Variants in LRRC75A observed in about 807,000 individuals in gnomAD.
LRRC75A encodes leucine-rich repeat-containing protein 75A.
LRRC75A carries 12 observed loss-of-function variants against 26.0 expected under a neutral mutation model. The ratio of observed to expected loss-of-function variants is 0.46; its 90% CI spans 0.30 to 0.75. The LOEUF is 0.75. LRRC75A is among the 30% of genes least tolerant of loss of function. The pLI is 0.08. For synonymous variants in LRRC75A, 223 were observed against 219.3 expected (o/e 1.02, Z -0.15); for missense variants, 410 against 486.6 (o/e 0.84, Z 1.48).
rs1349233950 is a variant in LRRC75A, at chr17:16,456,316, GAGGAGA to G, written c.375+5936_375+5941del. Among the ~76,000 whole-genome samples, 29 of 110,810 alleles carry G rather than the reference GAGGAGA, an allele frequency of 2.6e-4. 1 individual carries two copies. The highest frequency in any genetic ancestry group is 4.9e-4 in the Non-Finnish European group (26 of 52,636). 72.7% of individuals were successfully genotyped at this position (110,810 alleles called of 152,430 possible). On this transcript the variant is annotated intron_variant, in intron 2 of 3. Transcript: ENST00000470794. The stretch of plus-strand genomic sequence containing the variant: ...AGAGAAGGAAGAGGAGGAGGAGGAA[GAGGAGA>G]AGAAGGAAGAGGAGGAGGAAGAGAA...
chr17:16,476,732 A>ATTT (rs1170298700), intron 1 of LRRC75A, among the ~76,000 whole-genome samples: 9 of 75,532 alleles, frequency 1.2e-4, no homozygotes, highest in African/African-American at 1.8e-4. Flanking sequence ...TGCCTGGCTG[A>ATTT]TTTTTTTTTT....
intron 2 of LRRC75A, among the ~76,000 whole-genome samples, chr17:16,449,435 T>C (rs997948989): frequency 3.3e-5 from 5 of 152,164 alleles, no homozygotes; most frequent in African/African-American, 1.2e-4. Flanking sequence ...CAAGAGTTTC[T>C]GTGAGGATTA....
Position 16,441,702 on chromosome 17 carries a change from T to TCC in LRRC75A, c.*1885_*1886insGG. ...AATCCTCCCACCTTGTAGCTGGGACTACAGCTCACAGCACACCTGGCTAAA... is the reference window on the plus strand; with the variant it reads ...AATCCTCCCACCTTGTAGCTGGGACTCCACAGCTCACAGCACACCTGGCTAAA... On this transcript the variant is annotated 3_prime_UTR_variant, in exon 4 of 4. Transcript: ENST00000470794. 1 of 279,104 alleles carries TCC rather than the reference T, an allele frequency of 3.6e-6. No individual in the cohort carries two copies. Among genetic ancestry groups the TCC allele is most frequent in the Non-Finnish European group, 7.2e-6 (1 of 139,720 alleles). The allele number at this position is 279,104 out of a possible 1,614,324, so 17.3% of individuals were successfully genotyped here.
rs866669575 is a variant in LRRC75A, at chr17:16,482,513, C to G, written c.246+9232G>C. Among the ~76,000 whole-genome samples, 9 of 152,256 alleles carry G rather than the reference C, an allele frequency of 5.9e-5. No individual in the cohort carries two copies. The Middle Eastern group carries it at 0.01, about 173-fold the overall frequency. On this transcript the variant is annotated intron_variant, in intron 1 of 3. Transcript: ENST00000470794. ...TGAGGACCAGGGCCGCTGGGAGGCA[C>G]CAGCAGAGCAGGTCAGGCAAGCCCA...
rs201641666 is a variant in LRRC75A, at chr17:16,444,080, C to T, written c.543G>A (p.Ser181=). The T allele has an allele frequency of 2.7e-5, 43 of 1,612,334 alleles. No individual in the cohort carries two copies. The African/African-American group carries it at 3.2e-4, about 12-fold the overall frequency. The change falls in exon 4 of 4, where the codon TCG becomes TCA. Residue 181 remains serine, a synonymous_variant. Coordinates refer to ENST00000470794, the MANE Select transcript of LRRC75A (RefSeq NM_001113567.3). ...GSPPDNTVDL[S]GIPLTSRDLE... ...GGTCTCGGGAGGTCAGTGGGATTCC[C>T]GACAGGTCCACTGTGTTGTCTGGGG... is the stretch of plus-strand genomic sequence containing the variant.
intron 1 of LRRC75A, among the ~76,000 whole-genome samples, chr17:16,484,076 G>A (rs987190774): frequency 2.6e-5 from 4 of 152,104 alleles, no homozygotes; most frequent in Admixed American, 1.3e-4. Context: ...AGTGGCTCAC[G>A]CTTGTAATCC....
intron 2 of LRRC75A, among the ~76,000 whole-genome samples, chr17:16,456,424 GAGC>G (rs1179933274): frequency 6.7e-6 from 1 of 148,918 alleles, no homozygotes; most frequent in Non-Finnish European, 1.5e-5. Context: ...GGAGGAAGAG[GAGC>G]AGAAGAAGGA....
intron 2 of LRRC75A, among the ~76,000 whole-genome samples, chr17:16,455,943 C>G (rs1043054869): frequency 6.6e-6 from 1 of 152,122 alleles, no homozygotes; most frequent in Non-Finnish European, 1.5e-5. Flanking sequence ...TTTTTCCCAA[C>G]TCTTCCACTT....
At chr17:16,480,846 A>G (rs566786356) in intron 1 of LRRC75A, among the ~76,000 whole-genome samples, 66 of 152,264 alleles carry the variant, frequency 4.3e-4, no homozygotes, top group African/African-American at 1.5e-3. Context: ...AACCTGAGGA[A>G]GCTCAGAAAA....
chr17:16,473,030 T>C (rs1180691208), intron 1 of LRRC75A, among the ~76,000 whole-genome samples: 1 of 152,190 alleles, frequency 6.6e-6, no homozygotes, highest in African/African-American at 2.4e-5. Flanking sequence ...AGGGGAATAA[T>C]GAAATTGGTA....
intron 1 of LRRC75A, among the ~76,000 whole-genome samples, chr17:16,476,732 A>ATT (rs1170298700): frequency 7.5e-4 from 57 of 75,524 alleles, no homozygotes; most frequent in Middle Eastern, 0.011. Context: ...TGCCTGGCTG[A>ATT]TTTTTTTTTT....
intron 2 of LRRC75A, among the ~76,000 whole-genome samples, chr17:16,452,865 T>G (rs560135512): frequency 9.9e-5 from 15 of 152,258 alleles, no homozygotes; most frequent in African/African-American, 3.6e-4. Flanking sequence ...CAGGACAGAA[T>G]GTAGCCAGTC....
intron 1 of LRRC75A, among the ~76,000 whole-genome samples, chr17:16,485,669 T>TGTGTGTG (rs1555893680): frequency 1.7e-4 from 19 of 114,302 alleles, no homozygotes; most frequent in African/African-American, 6.2e-4. Flanking sequence ...TGTGTGTGTG[T>TGTGTGTG]TCGTGTGTGT....
At position 16,444,049 on chromosome 17, in the gene LRRC75A, G is replaced by A. The variant is rs760237641; in HGVS notation, c.574C>T (p.Arg192Trp). 11 of 1,613,338 alleles carry A rather than the reference G, an allele frequency of 6.8e-6. No individual in the cohort carries two copies. The highest frequency in any genetic ancestry group is 4.5e-5 in the East Asian group (2 of 44,858). Residue 192 changes from arginine (R) to tryptophan (W), a missense_variant, in exon 4 of 4, where the codon CGG becomes TGG. Coordinates refer to ENST00000470794, the MANE Select transcript of LRRC75A (RefSeq NM_001113567.3). ...CAGCGCTGTAGGTAGCTGGTCACCC[G>A]CTCCAGGTCTCGGGAGGTCAGTGGG... ...GIPLTSRDLE[R>W]VTSYLQRCGE...
At chr17:16,456,764 T>C (rs1022709588) in intron 2 of LRRC75A, among the ~76,000 whole-genome samples, 2 of 152,242 alleles carry the variant, frequency 1.3e-5, no homozygotes, top group Non-Finnish European at 2.9e-5. Context: ...CCTCGATATC[T>C]GTAGAACACA....
intron 2 of LRRC75A, chr17:16,448,274 T>C (rs1601080793): frequency 2.5e-6 from 1 of 395,556 alleles, no homozygotes; most frequent in Non-Finnish European, 4.9e-6. Flanking sequence ...CTCACCATGA[T>C]CCCTGCCACT....
chr17:16,449,690 C>A (rs1437831929), intron 2 of LRRC75A, among the ~76,000 whole-genome samples: 2 of 152,208 alleles, frequency 1.3e-5, no homozygotes, highest in Non-Finnish European at 2.9e-5. Context: ...GATCTCGGCT[C>A]ACTGCAACCT....
intron 1 of LRRC75A, among the ~76,000 whole-genome samples, chr17:16,475,498 T>C (rs1462502727): frequency 1.3e-5 from 2 of 152,196 alleles, no homozygotes; most frequent in African/African-American, 2.4e-5. Context: ...TCTTTTCTCT[T>C]GGAGCCTTCA....
chr17:16,447,811 C>T (rs867114797), intron 3 of LRRC75A, 34 bp downstream of exon 3: 3 of 1,472,212 alleles, frequency 2.0e-6, no homozygotes, highest in African/African-American at 1.4e-5. Context: ...CACACTCAGC[C>T]TGGCATAGAC....
Sources: allele counts gnomAD v4.1 joint callset (sites outside exome capture counted in the v4.1 genomes callset), GRCh38; gene constraint gnomAD v4.1.1; transcripts MANE v1.5; gene names NCBI Gene and HGNC (gene_info 2026-07-23, HGNC 2026-07-21).